The following MLKL variants were observed in gnomAD, a reference collection of about 807,000 sequenced individuals.
MLKL encodes the protein mixed lineage kinase domain like pseudokinase, also known as mixed lineage kinase domain-like protein.
Under a neutral mutation model 56.5 loss-of-function variants are expected in MLKL, and 55 were observed. That is an observed-to-expected ratio of 0.97 (90% confidence interval 0.78 to 1.22). MLKL has a LOEUF of 1.22. Ranked by LOEUF, MLKL falls within the 50% of genes most tolerant of loss-of-function variation. The probability of loss-of-function intolerance (pLI) is 0.00; values close to 1 mark genes in which losing one functional copy is unlikely to be tolerated. For synonymous variants in MLKL, 251 were observed against 208.3 expected (o/e 1.20, Z -1.76); for missense variants, 694 against 573.9 (o/e 1.21, Z -2.14).
Position 74,672,538 on chromosome 16 carries a change from T to C in MLKL, c.1382A>G (p.Glu461Gly). 6.2e-7 allele frequency: 1 copy of C among 1,613,924 alleles called. No homozygotes were observed. Among genetic ancestry groups the C allele is most frequent in the Non-Finnish European group, 8.5e-7 (1 of 1,179,786 alleles). ...AAAGGTGGAGAGTTTCTTTAAGATT[T>C]CTGTGGATGAATGAACAGAAAATTA... ...HDPSVRPSVDEILKKLSTFSK is the reference protein window; with the variant it reads ...HDPSVRPSVDGILKKLSTFSK The change falls in exon 11 of 11, where the codon GAA becomes GGA. Residue 461 changes from glutamate (E) to glycine (G), a missense_variant and splice_region_variant. By Grantham distance (98) the Glu-to-Gly change is moderately conservative (BLOSUM62 -2). Transcript: ENST00000308807.
In MLKL at chr16:74,672,437, A is replaced by C; in HGVS notation, c.*67T>G. The C allele has an allele frequency of 4.3e-6, 6 of 1,404,826 alleles. No homozygotes were observed. Among genetic ancestry groups the C allele is most frequent in the African/African-American group, 1.4e-5 (1 of 70,452 alleles). The allele number at this position is 1,404,826 out of a possible 1,614,324, so 87.0% of individuals were successfully genotyped here. On this transcript the variant is annotated 3_prime_UTR_variant, in exon 11 of 11. Transcript: ENST00000308807. The stretch of plus-strand genomic sequence containing the variant: ...CCCAATGCCGAAGGATATGAGAGAG[A>C]GAGATGTCCAGTTTGTGCCTCTCCC...
rs778433840 is a variant in MLKL at position 74,672,517 on chromosome 16, G to C, written c.1403C>G (p.Thr468Ser). 1.9e-6 allele frequency: 3 copies of C among 1,613,958 alleles called. No individual in the cohort carries two copies. In the Admixed American group the frequency reaches 5.0e-5, roughly 27 times the overall value. ...GATTTTGATACACTACTTAGAAAAG[G>C]TGGAGAGTTTCTTTAAGATTTCTGT... Reference protein sequence around the residue: ...SVDEILKKLSTFSK With the variant: ...SVDEILKKLSSFSK The change falls in exon 11 of 11, where the codon ACC (threonine) becomes AGC (serine). Residue 468 changes from threonine (T) to serine (S), a missense_variant. By Grantham distance (58) the Thr-to-Ser change is moderately conservative (BLOSUM62 1). Transcript: ENST00000308807.
chr16:74,681,526 G>C (rs1215574699), intron 6 of MLKL, among the ~76,000 whole-genome samples: 1 of 151,808 alleles, frequency 6.6e-6, no homozygotes, highest in Non-Finnish European at 1.5e-5. Context: ...GGGCGCGGTG[G>C]CTCACACTTG....
At chr16:74,674,831 C>T (rs1255236871) in intron 10 of MLKL, 129 bp downstream of exon 10, 3 of 1,117,846 alleles carry the variant, frequency 2.7e-6, no homozygotes, top group Non-Finnish European at 3.8e-6. Flanking sequence ...TTTCAGACAT[C>T]ACTAAATGTT....
intron 4 of MLKL, among the ~76,000 whole-genome samples, chr16:74,686,605 T>C (rs1346861543): frequency 1.3e-5 from 2 of 152,108 alleles, no homozygotes; most frequent in African/African-American, 4.8e-5. Flanking sequence ...AAAAAAGATA[T>C]TTATTAAGTG....
rs977675607 is a variant in MLKL at position 74,700,826 on chromosome 16, C to T, written c.-376G>A. 1 of 152,340 alleles carries T rather than the reference C, an allele frequency of 6.6e-6. No homozygotes were observed. Among genetic ancestry groups the T allele is most frequent in the African/African-American group, 2.4e-5 (1 of 41,478 alleles). The allele number at this position is 152,340 out of a possible 1,614,324, so 9.4% of individuals were successfully genotyped here. On this transcript the variant is annotated 5_prime_UTR_variant, in exon 1 of 11. Transcript: ENST00000308807. ...GCAGAGAATGCTGCGACACTTCCCC[C>T]TCCGACGTGGCTCCAGCTGCCAACC...
chr16:74,675,220 C>T (rs927002963), intron 9 of MLKL, 120 bp from the exon 10 acceptor site: 64 of 1,549,732 alleles, frequency 4.1e-5, no homozygotes, highest in African/African-American at 6.9e-5. Context: ...GAACTTCCAA[C>T]GATTCCACTG....
At position 74,695,813 on chromosome 16, in the gene MLKL, T is replaced by C. The variant is rs996487417; in HGVS notation, c.-2-54A>G. 13 of 1,451,952 alleles carry C rather than the reference T, an allele frequency of 9.0e-6. No homozygotes were observed. The East Asian group carries it at 1.8e-4, about 20-fold the overall frequency. 89.9% of individuals were successfully genotyped at this position (1,451,952 alleles called of 1,614,324 possible). On this transcript the variant is annotated intron_variant, in intron 1 of 10. Transcript: ENST00000308807. ...ATCCCCAAATCTCCTGCATATTCACTACTTGGCTAAGAAAGAATCAAAGCG... is the reference window on the plus strand; with the variant it reads ...ATCCCCAAATCTCCTGCATATTCACCACTTGGCTAAGAAAGAATCAAAGCG...
intron 4 of MLKL, among the ~76,000 whole-genome samples, chr16:74,686,555 C>T (rs1377601713): frequency 6.6e-6 from 1 of 152,182 alleles, no homozygotes; most frequent in African/African-American, 2.4e-5. Flanking sequence ...TGCACTCCAG[C>T]CTGGGTGACA....
chr16:74,674,190 T>C (rs1408963983), intron 10 of MLKL, among the ~76,000 whole-genome samples: 1 of 147,670 alleles, frequency 6.8e-6, no homozygotes, highest in Non-Finnish European at 1.5e-5. Flanking sequence ...AGTCTTGCCC[T>C]GTTGTCCAGG....
chr16:74,676,830 T>C (rs7196369), intron 7 of MLKL: 90,630 of 151,944 alleles, frequency 0.6, 27,182 homozygotes, highest in East Asian at 0.8. Flanking sequence ...TCTTTTCCTC[T>C]TCTGTATGAA....
At chr16:74,672,561 T>G (rs1386252109) in intron 10 of MLKL, 23 bp from the exon 11 acceptor site, 15 of 1,612,596 alleles carry the variant, frequency 9.3e-6, no homozygotes, top group Non-Finnish European at 1.3e-5. Flanking sequence ...GAACAGAAAA[T>G]TAGACCAGGG....
Position 74,675,346 on chromosome 16 carries a change from A to G in MLKL, c.1240+9T>C, listed in dbSNP as rs1349574367. The G allele has an allele frequency of 6.2e-7, 1 of 1,614,156 alleles. No individual in the cohort carries two copies. Among genetic ancestry groups the G allele is most frequent in the Non-Finnish European group, 8.5e-7 (1 of 1,180,000 alleles). ...CACCACTGGCTGAGCCAGTCTTCACATTCTTCACCTTGAAACGGGATATCT... is the reference window on the plus strand; with the variant it reads ...CACCACTGGCTGAGCCAGTCTTCACGTTCTTCACCTTGAAACGGGATATCT... On this transcript the variant is annotated intron_variant, in intron 9 of 10. Coordinates refer to ENST00000308807, the MANE Select transcript of MLKL (RefSeq NM_152649.4).
At chr16:74,691,934 G>A (rs576980961) in intron 3 of MLKL, among the ~76,000 whole-genome samples, 2 of 152,300 alleles carry the variant, frequency 1.3e-5, no homozygotes, top group Non-Finnish European at 2.9e-5. Context: ...CTCCTGGAAG[G>A]CAGTGTCCTT....
intron 2 of MLKL, among the ~76,000 whole-genome samples, chr16:74,692,947 C>T (rs1960762592): frequency 6.6e-6 from 1 of 152,212 alleles, no homozygotes; most frequent in Non-Finnish European, 1.5e-5. Flanking sequence ...TCAGCCATCC[C>T]TGTCTGCCCA....
At position 74,684,419 on chromosome 16, in the gene MLKL, T is replaced by G. The variant is rs1472230854; in HGVS notation, c.820+1067A>C. ...TTCCATGAGAGAAAATGCAGTCACA[T>G]TGGGAAAAAAAGAAAAAAAAAAAAA... is the stretch of plus-strand genomic sequence containing the variant. On this transcript the variant is annotated intron_variant, in intron 5 of 10. Coordinates refer to ENST00000308807, the MANE Select transcript of MLKL (RefSeq NM_152649.4). Among the ~76,000 whole-genome samples the G allele has an allele frequency of 2.6e-5, 3 of 117,138 alleles. No individual in the cohort carries two copies. In the South Asian group the frequency reaches 9.5e-4, roughly 37 times the overall value. The allele number at this position is 117,138 out of a possible 152,430, so 76.8% of individuals were successfully genotyped here.
rs375490660 is a variant in MLKL at position 74,682,660 on chromosome 16, C to T, written c.947G>A (p.Gly316Asp). Reference protein sequence around the residue: ...RMVLVLGAARGLYRLHHSEAP... With the variant: ...RMVLVLGAARDLYRLHHSEAP... ...TTTCACCCCGTCTTACCGGTATAGG[C>T]CTCGGGCTGCCCCCAGGACTAGGAC... Residue 316 changes from glycine (G) to aspartate (D), a missense_variant, in exon 6 of 11, where the codon GGC (glycine) becomes GAC (aspartate). Gly to Asp is a moderately conservative substitution (Grantham distance 94, BLOSUM62 -1). Transcript: ENST00000308807. 30 of 1,613,942 alleles carry T rather than the reference C, an allele frequency of 1.9e-5. No homozygotes were observed. Among genetic ancestry groups the T allele is most frequent in the Non-Finnish European group, 2.2e-5 (26 of 1,180,016 alleles).
Position 74,695,683 on chromosome 16 carries a change from C to A in MLKL, c.75G>T (p.Lys25Asn). 1.2e-6 allele frequency: 2 copies of A among 1,614,140 alleles called. No individual in the cohort carries two copies. The highest frequency in any genetic ancestry group is 1.7e-6 in the Non-Finnish European group (2 of 1,180,030). Reference sequence around the variant, plus strand: ...GGTGGCCCAGGCGCCGGCACTGTTTCTTGCAGTATTTCATCTCTTCACACC... The same window carrying A: ...GGTGGCCCAGGCGCCGGCACTGTTTATTGCAGTATTTCATCTCTTCACACC... ...HKRCEEMKYC[K>N]KQCRRLGHRV... The change falls in exon 2 of 11, where the codon AAG becomes AAT. Residue 25 changes from lysine (K) to asparagine (N), a missense_variant. By Grantham distance (94) the Lys-to-Asn change is moderately conservative (BLOSUM62 0). Transcript: ENST00000308807.
At position 74,675,086 on chromosome 16, in the gene MLKL, T is replaced by G. The variant is rs1959504537; in HGVS notation, c.1255A>C (p.Lys419Gln). 1 of 1,613,994 alleles carries G rather than the reference T, an allele frequency of 6.2e-7. No homozygotes were observed. The highest frequency in any genetic ancestry group is 8.5e-7 in the Non-Finnish European group (1 of 1,180,034). ...DIPFQGCNSE[K>Q]IRKLVAVKRQ... Reference sequence around the variant, plus strand: ...TTCACAGCCACCAGCTTGCGGATCTTCTCAGAATTACAGCCTGGAAATGAT... The same window carrying G: ...TTCACAGCCACCAGCTTGCGGATCTGCTCAGAATTACAGCCTGGAAATGAT... Residue 419 changes from lysine (K) to glutamine (Q), a missense_variant, in exon 10 of 11, where the codon AAG becomes CAG. Lys to Gln is a moderately conservative substitution (Grantham distance 53). Transcript: ENST00000308807.
Sources: allele counts gnomAD v4.1 joint callset (sites outside exome capture counted in the v4.1 genomes callset), GRCh38; gene constraint gnomAD v4.1.1; transcripts MANE v1.5; gene names NCBI Gene and HGNC (gene_info 2026-07-23, HGNC 2026-07-21).